METTL8: variants seen among roughly 807,000 people sequenced by gnomAD.
METTL8 encodes methyltransferase 8, tRNA N3-cytidine.
A neutral mutation model predicts 48.7 loss-of-function variants in METTL8; 32 were observed. The ratio of observed to expected loss-of-function variants is 0.66; its 90% CI spans 0.50 to 0.88. The LOEUF (loss-of-function observed/expected upper bound fraction) is 0.88, where lower values mean the gene tolerates loss of function less well. METTL8 is among the 40% of genes least tolerant of loss of function. The pLI is 0.00. For missense variants in METTL8, 464 were observed against 474.4 expected, an observed-to-expected ratio of 0.98 and a Z score of 0.20; for synonymous variants, 136 against 157.1, an observed-to-expected ratio of 0.87 and a Z score of 1.01.
chr2:171,349,080 T>C (rs892550886), intron 3 of METTL8, among the ~76,000 whole-genome samples: 2 of 152,208 alleles, frequency 1.3e-5, no homozygotes, highest in African/African-American at 4.8e-5. Flanking sequence ...CATATTGTTG[T>C]GAAACAGACC....
chr2:171,346,735 G>A (rs532348833), intron 3 of METTL8, among the ~76,000 whole-genome samples: 50 of 152,290 alleles, frequency 3.3e-4, no homozygotes, highest in Non-Finnish European at 6.0e-4. Flanking sequence ...GGCACTTGCC[G>A]AAGAGCCAGG....
rs560469533 is a variant in METTL8, at chr2:171,433,879, G to T, written c.-13+4C>A. 42 of 156,786 alleles carry T rather than the reference G, an allele frequency of 2.7e-4. No individual in the cohort carries two copies. Among genetic ancestry groups the T allele is most frequent in the Non-Finnish European group, 4.9e-4 (35 of 71,048 alleles). The allele number at this position is 156,786 out of a possible 1,614,324, so 9.7% of individuals were successfully genotyped here. A position where few individuals can be genotyped will look rare whatever the true frequency, so the allele number is the denominator to read the frequency against. Reference sequence around the variant, plus strand: ...GCGGCTGAAGGGAAAGCCGCGGGGCGTACCTTTAGCACGGGACGCTGCTTT... The same window carrying T: ...GCGGCTGAAGGGAAAGCCGCGGGGCTTACCTTTAGCACGGGACGCTGCTTT... On this transcript the variant is annotated splice_donor_region_variant and intron_variant, in intron 1 of 9. Transcript: ENST00000375258.
intron 3 of METTL8, among the ~76,000 whole-genome samples, chr2:171,341,180 T>C (rs1279088758): frequency 6.6e-6 from 1 of 151,554 alleles, no homozygotes; most frequent in African/African-American, 2.4e-5. Flanking sequence ...ATACAAAAAT[T>C]AGCCAGGTGT....
At position 171,339,142 on chromosome 2, in the gene METTL8, A is replaced by C. The variant is rs528183225; in HGVS notation, c.606+42T>G. On this transcript the variant is annotated intron_variant, in intron 4 of 9. Coordinates refer to ENST00000375258, the MANE Select transcript of METTL8 (RefSeq NM_001321154.2). ...AAATAATACAGAATGTACATTTTCA[A>C]ATTATTTGTCACCTCCCATTTTTGT... The C allele has an allele frequency of 1.1e-5, 15 of 1,412,288 alleles. No individual in the cohort carries two copies. In the East Asian group the frequency reaches 3.5e-4, roughly 33 times the overall value. 87.5% of individuals were successfully genotyped at this position (1,412,288 alleles called of 1,614,324 possible). A position where few individuals can be genotyped will look rare whatever the true frequency, so the allele number is the denominator to read the frequency against.
At chr2:171,434,432 T>A, upstream of METTL8, 32 of 1,416,824 alleles carry the variant, frequency 2.3e-5, no homozygotes, top group Non-Finnish European at 3.1e-5. Flanking sequence ...GGGTGCTCCC[T>A]GCCCGCCTCC....
At chr2:171,326,724 A>T (rs1685001485) in intron 7 of METTL8, among the ~76,000 whole-genome samples, 1 of 152,050 alleles carries the variant, frequency 6.6e-6, no homozygotes, top group African/African-American at 2.4e-5. Context: ...TTTTAATGAC[A>T]TCTTTGATAT....
chr2:171,405,135 AT>A (rs1690045796), intron 1 of METTL8, among the ~76,000 whole-genome samples: 1 of 152,150 alleles, frequency 6.6e-6, no homozygotes, highest in East Asian at 1.9e-4. Flanking sequence ...AATGAGTTCA[AT>A]TTGCACATGA....
chr2:171,337,234 T>G (rs1057119076), intron 5 of METTL8, among the ~76,000 whole-genome samples: 2 of 152,192 alleles, frequency 1.3e-5, no homozygotes, highest in African/African-American at 4.8e-5. Flanking sequence ...AAAACAATGA[T>G]GGACAACCCA....
At chr2:171,360,952 A>C (rs559727304) in intron 2 of METTL8, among the ~76,000 whole-genome samples, 2 of 152,310 alleles carry the variant, frequency 1.3e-5, no homozygotes, top group Non-Finnish European at 2.9e-5. Flanking sequence ...AAAGTTTTAA[A>C]ATGTTTTGTA....
chr2:171,381,744 A>C (rs931449076), intron 2 of METTL8, among the ~76,000 whole-genome samples: 3 of 151,916 alleles, frequency 2.0e-5, no homozygotes, highest in Admixed American at 1.3e-4. Context: ...AAAAGGAAAC[A>C]ATAGACGCTG....
At chr2:171,378,295 T>TGACA (rs1451034074) in intron 2 of METTL8, among the ~76,000 whole-genome samples, 6 of 152,204 alleles carry the variant, frequency 3.9e-5, no homozygotes, top group Admixed American at 2.6e-4. Context: ...TTCTAGTTTC[T>TGACA]GACAAGACAG....
intron 2 of METTL8, among the ~76,000 whole-genome samples, chr2:171,390,687 C>T (rs1688501990): frequency 6.6e-6 from 1 of 152,176 alleles, no homozygotes; most frequent in Admixed American, 6.5e-5. Flanking sequence ...TGAATTGCTG[C>T]AATCTCATGA....
chr2:171,346,103 A>G (rs1238497827), intron 3 of METTL8, among the ~76,000 whole-genome samples: 1 of 152,174 alleles, frequency 6.6e-6, no homozygotes, highest in Non-Finnish European at 1.5e-5. Context: ...ATCACAGCTC[A>G]GTGCAGCCTT....
chr2:171,413,060 T>A (rs1012927419), intron 1 of METTL8, among the ~76,000 whole-genome samples: 1 of 152,226 alleles, frequency 6.6e-6, no homozygotes, highest in Admixed American at 6.5e-5. Flanking sequence ...ATTTTCCAGA[T>A]GACCAACATA....
intron 2 of METTL8, among the ~76,000 whole-genome samples, chr2:171,387,542 T>A (rs12986461): frequency 3.6e-5 from 5 of 138,984 alleles, no homozygotes; most frequent in African/African-American, 1.1e-4. Context: ...TTAAAAAAAA[T>A]TAAAAAAAAA....
intron 5 of METTL8, among the ~76,000 whole-genome samples, chr2:171,335,301 G>T (rs1685968837): frequency 6.6e-6 from 1 of 152,164 alleles, no homozygotes; most frequent in African/African-American, 2.4e-5. Context: ...AGTTTTGGGA[G>T]ATATATCCTG....
At chr2:171,354,604 C>T (rs541749055) in intron 3 of METTL8, among the ~76,000 whole-genome samples, 17 of 152,336 alleles carry the variant, frequency 1.1e-4, no homozygotes, top group African/African-American at 3.4e-4. Context: ...ACCAATCAGA[C>T]GTAGATTTGG....
intron 1 of METTL8, among the ~76,000 whole-genome samples, chr2:171,418,165 G>A (rs928223592): frequency 6.6e-6 from 1 of 152,108 alleles, no homozygotes; most frequent in African/African-American, 2.4e-5. Flanking sequence ...GGATGGTCTC[G>A]ATCTCCTGAC....
intron 1 of METTL8, among the ~76,000 whole-genome samples, chr2:171,430,095 T>A (rs1386763701): frequency 6.7e-6 from 1 of 149,844 alleles, no homozygotes; most frequent in African/African-American, 2.5e-5. Context: ...CGGTAGCTCA[T>A]GCCTATAATC....
Sources: gnomAD v4.1 joint callset for allele counts (sites outside exome capture counted in the v4.1 genomes callset) on GRCh38, gnomAD v4.1.1 for gene constraint, MANE v1.5 for transcripts, NCBI Gene and HGNC (gene_info 2026-07-23, HGNC 2026-07-21) for gene names.